IL1RAPL1: variants seen among roughly 807,000 people sequenced by gnomAD.
IL1RAPL1 encodes interleukin 1 receptor accessory protein like 1.
IL1RAPL1 carries 3 observed loss-of-function variants against 48.4 expected under a neutral mutation model. That is an observed-to-expected ratio of 0.06 (90% CI 0.03 to 0.16). IL1RAPL1 has a LOEUF of 0.16. Among genes scored for constraint, IL1RAPL1 ranks in the 10% least tolerant of loss-of-function variants. The pLI, the probability that IL1RAPL1 is intolerant of heterozygous loss-of-function variation, is 1.00. For missense variants in IL1RAPL1, 349 were observed against 530.6 expected, an observed-to-expected ratio of 0.66 and a Z score of 3.36; for synonymous variants, 185 against 187.7, an observed-to-expected ratio of 0.99 and a Z score of 0.12.
intron 5 of IL1RAPL1, among the ~76,000 whole-genome samples, chrX:29,584,515 T>C (rs1923091001): frequency 1.8e-5 from 2 of 111,438 alleles, no homozygotes; most frequent in Admixed American, 9.6e-5. Flanking sequence ...TTGCTCAAAG[T>C]GTACTGGTGA....
chrX:29,937,699 T>C (rs763445248), intron 8 of IL1RAPL1, among the ~76,000 whole-genome samples: 4 of 111,764 alleles, frequency 3.6e-5, no homozygotes, highest in South Asian at 3.7e-4. Flanking sequence ...GGGCAGGCAC[T>C]GTGCACCATG....
intron 2 of IL1RAPL1, among the ~76,000 whole-genome samples, chrX:29,121,957 AATTAGTGAT>A (rs1928795530): frequency 8.9e-6 from 1 of 111,798 alleles, no homozygotes; most frequent in South Asian, 3.7e-4. Flanking sequence ...ATATCTGTGA[AATTAGTGAT>A]ATCAGCCTTA....
chrX:29,856,720 G>T (rs917961420), intron 6 of IL1RAPL1, among the ~76,000 whole-genome samples: 1 of 111,543 alleles, frequency 9.0e-6, no homozygotes, highest in African/African-American at 3.2e-5. Flanking sequence ...TACCTAAAGG[G>T]TTATAAATTG....
chrX:28,655,635 T>A (rs1271365979), intron 1 of IL1RAPL1, among the ~76,000 whole-genome samples: 7 of 112,033 alleles, frequency 6.2e-5, no homozygotes, highest in Non-Finnish European at 1.3e-4. Context: ...AAATTTCTAA[T>A]GGGAACTGAC....
intron 5 of IL1RAPL1, among the ~76,000 whole-genome samples, chrX:29,576,011 C>T (rs991526252): frequency 1.8e-5 from 2 of 112,239 alleles, no homozygotes; most frequent in African/African-American, 6.5e-5. Flanking sequence ...ATTAAATCTA[C>T]AGTGACCCCT....
intron 1 of IL1RAPL1, among the ~76,000 whole-genome samples, chrX:28,647,567 G>T (rs1241619335): frequency 2.7e-5 from 3 of 112,437 alleles, no homozygotes; most frequent in Non-Finnish European, 5.6e-5. Flanking sequence ...AATTAGAATA[G>T]GTTATTTATT....
intron 1 of IL1RAPL1, among the ~76,000 whole-genome samples, chrX:28,615,777 G>A (rs1356477844): frequency 9.0e-6 from 1 of 111,361 alleles, no homozygotes; most frequent in African/African-American, 3.3e-5. Context: ...GATAAAGGAA[G>A]TCATGCCAAT....
intron 2 of IL1RAPL1, among the ~76,000 whole-genome samples, chrX:29,215,947 C>T (rs1930859643): frequency 9.0e-6 from 1 of 110,935 alleles, no homozygotes; most frequent in Admixed American, 9.6e-5. Context: ...CTGCTTGAAC[C>T]ACAGTAACAA....
intron 2 of IL1RAPL1, among the ~76,000 whole-genome samples, chrX:29,127,189 A>G (rs1928915825): frequency 9.0e-6 from 1 of 110,652 alleles, no homozygotes. Context: ...CATCATCTAT[A>G]CTTACTAGAT....
At chrX:29,755,423 T>C (rs752573939) in intron 6 of IL1RAPL1, among the ~76,000 whole-genome samples, 1 of 111,543 alleles carries the variant, frequency 9.0e-6, no homozygotes, top group African/African-American at 3.3e-5. Flanking sequence ...TGAAGACTCA[T>C]GTGACTTACC....
At chrX:29,511,612 A>T (rs921981698) in intron 5 of IL1RAPL1, among the ~76,000 whole-genome samples, 2 of 112,139 alleles carry the variant, frequency 1.8e-5, no homozygotes, top group Admixed American at 1.9e-4. Context: ...ATCCACATGT[A>T]GAATACATTT....
rs1164980774 is a variant in IL1RAPL1, at chrX:29,339,124, A to C, written c.362+55907A>C. ...CACACACACACACACGCACACACTC[A>C]AATATCACATGTTACTATGTTGATG... is the stretch of plus-strand genomic sequence containing the variant. On this transcript the variant is annotated intron_variant, in intron 3 of 10. Transcript: ENST00000378993. 9.1e-5 allele frequency among the ~76,000 whole-genome samples: 10 copies of C among 109,381 alleles called. No homozygotes were observed. The Admixed American group carries it at 9.8e-4, about 11-fold the overall frequency. 95.0% of individuals were successfully genotyped at this position (109,381 alleles called of 115,157 possible). A position where few individuals can be genotyped will look rare whatever the true frequency, so the allele number is the denominator to read the frequency against.
chrX:29,442,842 G>A (rs1248222999), intron 5 of IL1RAPL1, among the ~76,000 whole-genome samples: 3 of 100,263 alleles, frequency 3.0e-5, no homozygotes, highest in Non-Finnish European at 6.1e-5. Context: ...TGGGCATCAC[G>A]GCAAGACCCT....
At chrX:29,397,992 G>A (rs1321704706) in intron 4 of IL1RAPL1, among the ~76,000 whole-genome samples, 1 of 111,915 alleles carries the variant, frequency 8.9e-6, no homozygotes, top group Non-Finnish European at 1.9e-5. Flanking sequence ...ATGCAGACTA[G>A]TGAAGTGGTG....
At chrX:29,688,728 TTCTCTCTC>T (rs71811113) in intron 6 of IL1RAPL1, among the ~76,000 whole-genome samples, 6 of 74,797 alleles carry the variant, frequency 8.0e-5, no homozygotes, top group Middle Eastern at 7.7e-3. Flanking sequence ...TCAGGGTTGC[TTCTCTCTC>T]TCTCTCTCTC....
At chrX:29,080,968 CTTTCTTTCTTTCTTTCTT>C (rs1165123920) in intron 2 of IL1RAPL1, among the ~76,000 whole-genome samples, 7 of 42,535 alleles carry the variant, frequency 1.6e-4, no homozygotes, top group East Asian at 2.1e-3. Flanking sequence ...TTCTTTCTTT[CTTTCTTTCTTTCTTTCTT>C]TCTTTCTTTC....
At chrX:29,943,670 A>G (rs1432744734) in intron 9 of IL1RAPL1, among the ~76,000 whole-genome samples, 1 of 112,300 alleles carries the variant, frequency 8.9e-6, no homozygotes, top group East Asian at 2.8e-4. Flanking sequence ...TGTTTTGAAT[A>G]TGTTTATTTT....
At position 29,473,769 on chromosome X, in the gene IL1RAPL1, TA is replaced by T. The variant is rs1247008836; in HGVS notation, c.703+74463del. Among the ~76,000 whole-genome samples, 474 of 111,146 alleles carry T rather than the reference TA, an allele frequency of 4.3e-3. 3 individuals are homozygous for T. Among genetic ancestry groups the T allele is most frequent in the African/African-American group, 0.014 (437 of 30,630 alleles). ...CCCCTAAAGCATTTATCTTGCTTCG[TA>T]ATTGTACATCCATTACATGTCTTTT... is the stretch of plus-strand genomic sequence containing the variant. On this transcript the variant is annotated intron_variant, in intron 5 of 10. Coordinates refer to ENST00000378993, the MANE Select transcript of IL1RAPL1 (RefSeq NM_014271.4).
intron 6 of IL1RAPL1, among the ~76,000 whole-genome samples, chrX:29,916,191 A>G (rs370157129): frequency 1.4e-4 from 14 of 103,534 alleles, no homozygotes; most frequent in African/African-American, 4.9e-4. Context: ...GCTATTGTGA[A>G]TAATGCCGCA....
Sources: allele counts gnomAD v4.1 joint callset (sites outside exome capture counted in the v4.1 genomes callset), GRCh38; gene constraint gnomAD v4.1.1; transcripts MANE v1.5; gene names NCBI Gene and HGNC (gene_info 2026-07-23, HGNC 2026-07-21).